CCDC25: variants seen among roughly 807,000 people sequenced by gnomAD.
CCDC25 encodes the protein coiled-coil domain-containing protein 25.
CCDC25 carries 16 observed loss-of-function variants against 35.3 expected under a neutral mutation model. The observed-to-expected ratio is 0.45, with a 90% CI of 0.31 to 0.69. CCDC25 has a LOEUF of 0.69. Ranked by LOEUF, CCDC25 falls within the 30% of genes least tolerant of loss-of-function variation. The pLI is 0.06. For missense variants in CCDC25, 179 were observed against 250.7 expected, an observed-to-expected ratio of 0.71 and a Z score of 1.93; for synonymous variants, 79 against 80.3, an observed-to-expected ratio of 0.98 and a Z score of 0.09.
At chr8:27,736,811 G>T (rs894451821) in intron 8 of CCDC25, among the ~76,000 whole-genome samples, 2 of 152,288 alleles carry the variant, frequency 1.3e-5, no homozygotes, top group South Asian at 4.1e-4. Context: ...TAAAAAACCT[G>T]CATAATGGTA....
chr8:27,772,530 T>C lies in CCDC25; in HGVS notation c.11A>G (p.Tyr4Cys), dbSNP rs1289034493. 1.3e-5 allele frequency: 20 copies of C among 1,549,728 alleles called. No homozygotes were observed. The Admixed American group carries it at 1.6e-4, about 12-fold the overall frequency. ...CCACTCACCGCTGCTGCTGGTGAAG[T>C]AGAACACCATGATCCCGGGAGCGGT... MVF[Y>C]FTSSSVNSSA... Residue 4 changes from tyrosine (Y) to cysteine (C), a missense_variant, in exon 1 of 9, where the codon TAC becomes TGC. Coordinates refer to ENST00000356537, the MANE Select transcript of CCDC25 (RefSeq NM_018246.3).
At chr8:27,744,375 T>C (rs1282909459) in intron 7 of CCDC25, among the ~76,000 whole-genome samples, 1 of 152,174 alleles carries the variant, frequency 6.6e-6, no homozygotes, top group African/African-American at 2.4e-5. Flanking sequence ...GAGGCAAGGA[T>C]GCACGATTGC....
At chr8:27,747,392 C>A (rs556457913) in intron 7 of CCDC25, among the ~76,000 whole-genome samples, 7 of 152,306 alleles carry the variant, frequency 4.6e-5, no homozygotes, top group Admixed American at 1.3e-4. Context: ...GGAAGATTCT[C>A]CCCTAGTGCC....
At chr8:27,771,201 T>C (rs11787128) in intron 1 of CCDC25, among the ~76,000 whole-genome samples, 63,673 of 151,960 alleles carry the variant, frequency 0.42, 13,667 homozygotes, top group East Asian at 0.62. Flanking sequence ...CCTACAGCCA[T>C]TCAGTACAGC....
chr8:27,765,560 T>C (rs1429762182), intron 1 of CCDC25, among the ~76,000 whole-genome samples: 5 of 152,132 alleles, frequency 3.3e-5, no homozygotes, highest in Non-Finnish European at 7.3e-5. Context: ...GCTACTTTCC[T>C]ACTTTCTCAG....
At chr8:27,752,154 G>A (rs1444521099) in intron 5 of CCDC25, among the ~76,000 whole-genome samples, 1 of 152,174 alleles carries the variant, frequency 6.6e-6, no homozygotes, top group Non-Finnish European at 1.5e-5. Context: ...TAAAAATAAA[G>A]CCATAAAACA....
At chr8:27,758,488 T>C (rs1427983830) in intron 3 of CCDC25, among the ~76,000 whole-genome samples, 1 of 152,218 alleles carries the variant, frequency 6.6e-6, no homozygotes, top group Admixed American at 6.5e-5. Flanking sequence ...TTTCTCCAAG[T>C]GGTTCACTTA....
chr8:27,763,399 T>C (rs943942523), intron 2 of CCDC25, among the ~76,000 whole-genome samples: 1 of 152,248 alleles, frequency 6.6e-6, no homozygotes, highest in South Asian at 2.1e-4. Context: ...TACAGAATTA[T>C]TTAAGTATTA....
intron 3 of CCDC25, among the ~76,000 whole-genome samples, chr8:27,757,793 C>T (rs769978536): frequency 6.6e-6 from 1 of 152,020 alleles, no homozygotes; most frequent in Non-Finnish European, 1.5e-5. Flanking sequence ...AATTGTAATC[C>T]CCAGCGTTAG....
chr8:27,748,355 G>T (rs1338649982), intron 6 of CCDC25, 76 bp from the exon 7 acceptor site: 1 of 1,420,068 alleles, frequency 7.0e-7, no homozygotes, highest in South Asian at 1.2e-5. Flanking sequence ...GGCTTTCCAG[G>T]GGTTTAGCAA....
chr8:27,740,023 T>C (rs1803381061), intron 8 of CCDC25, among the ~76,000 whole-genome samples: 1 of 152,204 alleles, frequency 6.6e-6, no homozygotes, highest in African/African-American at 2.4e-5. Context: ...ATTTTGTCAC[T>C]TAGGCTTCAC....
At chr8:27,740,803 C>G (rs1229430923) in intron 7 of CCDC25, among the ~76,000 whole-genome samples, 1 of 152,166 alleles carries the variant, frequency 6.6e-6, no homozygotes, top group Non-Finnish European at 1.5e-5. Flanking sequence ...GGCATTATTC[C>G]TACTTTTCAG....
At chr8:27,736,778 T>C (rs1803245504) in intron 8 of CCDC25, among the ~76,000 whole-genome samples, 1 of 152,182 alleles carries the variant, frequency 6.6e-6, no homozygotes, top group East Asian at 1.9e-4. Flanking sequence ...ACCAACTTAG[T>C]TGGTTTGCCA....
At chr8:27,739,035 C>T (rs914295341) in intron 8 of CCDC25, among the ~76,000 whole-genome samples, 2 of 152,138 alleles carry the variant, frequency 1.3e-5, no homozygotes, top group Non-Finnish European at 2.9e-5. Context: ...TAATATGTGT[C>T]CATTTTACTG....
In CCDC25 at chr8:27,739,730, T is replaced by C. The variant is rs551032074; in HGVS notation, c.597+742A>G. 3.9e-5 allele frequency among the ~76,000 whole-genome samples: 6 copies of C among 152,238 alleles called. No homozygotes were observed. The East Asian group carries it at 5.8e-4, about 15-fold the overall frequency. On this transcript the variant is annotated intron_variant, in intron 8 of 8. Transcript: ENST00000356537. ...AGTCCTGGAACCAATCCCCCATGAATACTGAAGGATGACTATATTTTTAAA... is the reference window on the plus strand; with the variant it reads ...AGTCCTGGAACCAATCCCCCATGAACACTGAAGGATGACTATATTTTTAAA...
chr8:27,757,311 T>A (rs1804044314), intron 3 of CCDC25, among the ~76,000 whole-genome samples: 1 of 152,116 alleles, frequency 6.6e-6, no homozygotes, highest in Admixed American at 6.5e-5. Flanking sequence ...AAAGAGAATG[T>A]CGAATAGAGA....
At chr8:27,743,934 T>A (rs1024702942) in intron 7 of CCDC25, among the ~76,000 whole-genome samples, 2 of 152,164 alleles carry the variant, frequency 1.3e-5, no homozygotes, top group Admixed American at 1.3e-4. Context: ...TCTGAATCCA[T>A]GGAGATTATT....
chr8:27,736,479 A>G lies in CCDC25; in HGVS notation c.598-234T>C, dbSNP rs142032343. 2.2e-3 allele frequency among the ~76,000 whole-genome samples: 337 copies of G among 152,316 alleles called. 2 individuals are homozygous for G. Among genetic ancestry groups the G allele is most frequent in the African/African-American group, 7.9e-3 (328 of 41,566 alleles). On this transcript the variant is annotated intron_variant, in intron 8 of 8. Coordinates refer to ENST00000356537, the MANE Select transcript of CCDC25 (RefSeq NM_018246.3). ...TACATGGCCTGATTACACAGCAGTAAGTGACCACTGATCTCTAAATAATGC... is the reference window on the plus strand; with the variant it reads ...TACATGGCCTGATTACACAGCAGTAGGTGACCACTGATCTCTAAATAATGC...
At chr8:27,758,352 T>C (rs1033664720) in intron 3 of CCDC25, among the ~76,000 whole-genome samples, 1 of 152,256 alleles carries the variant, frequency 6.6e-6, no homozygotes, top group Non-Finnish European at 1.5e-5. Context: ...GTTAGTCATC[T>C]TGCTATTCAC....
Sources: gnomAD v4.1 joint callset for allele counts (sites outside exome capture counted in the v4.1 genomes callset) on GRCh38, gnomAD v4.1.1 for gene constraint, MANE v1.5 for transcripts, NCBI Gene and HGNC (gene_info 2026-07-23, HGNC 2026-07-21) for gene names.